The following CLHC1 variants were observed in gnomAD, a reference collection of about 807,000 sequenced individuals.
The protein encoded by CLHC1 is clathrin heavy chain linker domain-containing protein 1.
Under a neutral mutation model 69.5 loss-of-function variants are expected in CLHC1, and 72 were observed. That is an observed-to-expected ratio of 1.04 (90% CI 0.86 to 1.26). The LOEUF (loss-of-function observed/expected upper bound fraction) is 1.26. CLHC1 is among the 50% of genes most tolerant of loss of function. The pLI is 0.00. For synonymous variants in CLHC1, 223 were observed against 224.3 expected (o/e 0.99, Z 0.05); for missense variants, 790 against 679.3 (o/e 1.16, Z -1.81).
At chr2:55,189,320 C>A (rs1204184284) in intron 9 of CLHC1, among the ~76,000 whole-genome samples, 2 of 151,942 alleles carry the variant, frequency 1.3e-5, no homozygotes, top group African/African-American at 2.4e-5. Flanking sequence ...GGCTTAAGAC[C>A]AAATATATCA....
intron 9 of CLHC1, among the ~76,000 whole-genome samples, chr2:55,190,351 A>T (rs1670804590): frequency 6.6e-6 from 1 of 152,142 alleles, no homozygotes; most frequent in Non-Finnish European, 1.5e-5. Flanking sequence ...CCAGCCTAAA[A>T]TTCTTAATGT....
intron 12 of CLHC1, among the ~76,000 whole-genome samples, chr2:55,176,965 C>G (rs546889914): frequency 5.9e-5 from 9 of 152,318 alleles, no homozygotes; most frequent in Non-Finnish European, 7.3e-5. Flanking sequence ...CTTGAGCTCC[C>G]TGGGCTCAGG....
intron 11 of CLHC1, among the ~76,000 whole-genome samples, chr2:55,179,794 G>A (rs1669741379): frequency 6.6e-6 from 1 of 152,070 alleles, no homozygotes; most frequent in Non-Finnish European, 1.5e-5. Context: ...CTGTTCAATT[G>A]TGTTTTAAAA....
chr2:55,200,959 A>G (rs2103865674), intron 9 of CLHC1, among the ~76,000 whole-genome samples: 2 of 152,302 alleles, frequency 1.3e-5, no homozygotes, highest in South Asian at 4.1e-4. Flanking sequence ...ATTAACAAGG[A>G]AATTTAGAGA....
At chr2:55,223,271 C>T (rs1344271241) in intron 2 of CLHC1, among the ~76,000 whole-genome samples, 1 of 152,130 alleles carries the variant, frequency 6.6e-6, no homozygotes, top group Non-Finnish European at 1.5e-5. Flanking sequence ...TATTTTAATT[C>T]TCATCTTTAA....
chr2:55,178,295 C>G (rs1669597132), intron 11 of CLHC1, among the ~76,000 whole-genome samples: 1 of 152,134 alleles, frequency 6.6e-6, no homozygotes, highest in Non-Finnish European at 1.5e-5. Flanking sequence ...CTAAAACTAT[C>G]AAGCATTTAG....
chr2:55,207,163 G>A (rs1672535050), intron 8 of CLHC1, among the ~76,000 whole-genome samples: 1 of 151,874 alleles, frequency 6.6e-6, no homozygotes, highest in African/African-American at 2.4e-5. Context: ...AGGTGTCCTT[G>A]GTATTCAGAA....
intron 9 of CLHC1, among the ~76,000 whole-genome samples, chr2:55,199,825 A>AGAAG (rs1340271926): frequency 1.3e-5 from 2 of 152,174 alleles, no homozygotes; most frequent in African/African-American, 4.8e-5. Context: ...AAGGAAGGAA[A>AGAAG]GAAGGAAGAG....
At chr2:55,187,476 G>A (rs1414773530) in intron 9 of CLHC1, among the ~76,000 whole-genome samples, 2 of 151,906 alleles carry the variant, frequency 1.3e-5, no homozygotes, top group Admixed American at 1.3e-4. Context: ...AACTGGGTGT[G>A]GTGGTGCATG....
chr2:55,217,910 C>A lies in CLHC1; in HGVS notation c.266G>T (p.Arg89Leu). The change falls in exon 4 of 13, where the codon CGA (arginine) becomes CTA (leucine). Residue 89 changes from arginine (R) to leucine (L), a missense_variant. Arg to Leu is a moderately radical substitution (Grantham distance 102, BLOSUM62 -2). Coordinates refer to ENST00000401408, the MANE Select transcript of CLHC1 (RefSeq NM_152385.4). ...DAFIETIKKD[R>L]RTTFCLHGKL... ...TCCATGAAGACAAAATGTAGTTCTT[C>A]GGTCTTTCTTTATTGTCTCAATAAA... 6.2e-7 allele frequency: 1 copy of A among 1,602,128 alleles called. No homozygotes were observed. The highest frequency in any genetic ancestry group is 1.3e-5 in the African/African-American group (1 of 74,322).
chr2:55,187,957 C>T (rs1031982015), intron 9 of CLHC1, among the ~76,000 whole-genome samples: 6 of 151,986 alleles, frequency 3.9e-5, no homozygotes, highest in Non-Finnish European at 8.8e-5. Flanking sequence ...AAAATATAGA[C>T]AATCCAGCAG....
intron 4 of CLHC1, among the ~76,000 whole-genome samples, chr2:55,216,951 C>A (rs1372236696): frequency 1.3e-5 from 2 of 152,080 alleles, no homozygotes; most frequent in African/African-American, 4.8e-5. Flanking sequence ...AGTTGGAGAC[C>A]AGCCTGGGTA....
At position 55,175,315 on chromosome 2, in the gene CLHC1, G is replaced by A. The variant is rs1231927908; in HGVS notation, c.*475C>T. ...AAGCATGGGGCGCATCTTTAAATCA[G>A]CAGTACAAAATTACTATACTCTAGG... On this transcript the variant is annotated 3_prime_UTR_variant, in exon 13 of 13. Coordinates refer to ENST00000401408, the MANE Select transcript of CLHC1 (RefSeq NM_152385.4). The A allele has an allele frequency of 6.5e-6, 1 of 153,344 alleles. No individual in the cohort carries two copies. The highest frequency in any genetic ancestry group is 2.0e-4 in the South Asian group (1 of 4,886). 9.5% of individuals were successfully genotyped at this position (153,344 alleles called of 1,614,324 possible). A position where few individuals can be genotyped will look rare whatever the true frequency, so the allele number is the denominator to read the frequency against.
intron 4 of CLHC1, 43 bp downstream of exon 4, chr2:55,217,768 A>G: frequency 1.6e-6 from 2 of 1,288,664 alleles, no homozygotes; most frequent in Non-Finnish European, 1.1e-6. Flanking sequence ...ATTATAATCA[A>G]GCAACAACTA....
chr2:55,193,673 A>G (rs1671138634), intron 9 of CLHC1, among the ~76,000 whole-genome samples: 5 of 152,228 alleles, frequency 3.3e-5, no homozygotes. Context: ...ATACATTACT[A>G]GCAGGAATGG....
At chr2:55,209,544 C>A (rs371042761) in intron 6 of CLHC1, 28 bp from the exon 7 acceptor site, 1 of 1,577,154 alleles carries the variant, frequency 6.3e-7, no homozygotes, top group African/African-American at 1.4e-5. Context: ...GTCAATAACA[C>A]ACTGAGCCTA....
chr2:55,191,923 G>T (rs1382152976), intron 9 of CLHC1, among the ~76,000 whole-genome samples: 3 of 152,094 alleles, frequency 2.0e-5, no homozygotes, highest in African/African-American at 7.2e-5. Context: ...GATCCCTTGA[G>T]TCCAGAAGTT....
chr2:55,204,554 T>G (rs1307590705), intron 9 of CLHC1, among the ~76,000 whole-genome samples: 2 of 152,184 alleles, frequency 1.3e-5, no homozygotes, highest in Non-Finnish European at 2.9e-5. Context: ...GAAAACACTT[T>G]GGAGGTTCCT....
intron 9 of CLHC1, among the ~76,000 whole-genome samples, chr2:55,202,273 T>G (rs1204658057): frequency 1.4e-5 from 2 of 142,198 alleles, no homozygotes; most frequent in African/African-American, 5.1e-5. Context: ...AAAAAAAACC[T>G]AGCTGGGTGC....
Sources: gnomAD v4.1 joint callset for allele counts (sites outside exome capture counted in the v4.1 genomes callset) on GRCh38, gnomAD v4.1.1 for gene constraint, MANE v1.5 for transcripts, NCBI Gene and HGNC (gene_info 2026-07-23, HGNC 2026-07-21) for gene names.